The following GABRR3 variants were observed in gnomAD, a reference collection of about 807,000 sequenced individuals.
GABRR3 encodes gamma-aminobutyric acid type A receptor subunit rho3.
GABRR3 carries 29 observed loss-of-function variants against 43.2 expected under a neutral mutation model. The ratio of observed to expected loss-of-function variants is 0.67; its 90% CI spans 0.50 to 0.92. The LOEUF is 0.92. GABRR3 is among the 40% of genes least tolerant of loss of function. The pLI, the probability that GABRR3 is intolerant of heterozygous loss-of-function variation, is 0.00. For synonymous variants in GABRR3, 206 were observed against 195.9 expected, an observed-to-expected ratio of 1.05 and a Z score of -0.43; for missense variants, 576 against 572.3, an observed-to-expected ratio of 1.01 and a Z score of -0.07.
intron 8 of GABRR3, among the ~76,000 whole-genome samples, chr3:97,995,933 G>C (rs1359748252): frequency 6.6e-6 from 1 of 152,190 alleles, no homozygotes; most frequent in Admixed American, 6.5e-5. Flanking sequence ...AGTTAGGAAA[G>C]TGTTATGAGA....
chr3:98,004,532 T>C (rs1013325231), intron 7 of GABRR3, among the ~76,000 whole-genome samples: 2 of 151,916 alleles, frequency 1.3e-5, no homozygotes, highest in Non-Finnish European at 2.9e-5. Flanking sequence ...GGGGCAGGAG[T>C]CATTTCTTTT....
At chr3:98,026,419 C>T (rs112385108) in intron 2 of GABRR3, among the ~76,000 whole-genome samples, 2 of 152,114 alleles carry the variant, frequency 1.3e-5, no homozygotes, top group African/African-American at 4.8e-5. Flanking sequence ...CTCCCTGTGT[C>T]GGTGAGCTTG....
chr3:98,018,632 A>C (rs1040760346), intron 3 of GABRR3, among the ~76,000 whole-genome samples: 2 of 152,170 alleles, frequency 1.3e-5, no homozygotes, highest in African/African-American at 4.8e-5. Context: ...TTTTATGTAC[A>C]TATGTGTTAA....
At chr3:97,991,333 A>G (rs984262410) in intron 9 of GABRR3, among the ~76,000 whole-genome samples, 2 of 152,226 alleles carry the variant, frequency 1.3e-5, no homozygotes, top group Admixed American at 1.3e-4. Flanking sequence ...CCTAGAGCTT[A>G]TTAGAAATTC....
chr3:98,031,969 G>A (rs1027276424), intron 2 of GABRR3, among the ~76,000 whole-genome samples: 4 of 151,960 alleles, frequency 2.6e-5, no homozygotes, highest in African/African-American at 9.7e-5. Context: ...AAAAGCCCCA[G>A]TTTATAGTAG....
chr3:98,035,178 G>T lies in GABRR3; in HGVS notation c.-3+12C>A. On this transcript the variant is annotated intron_variant, in intron 1 of 9. Transcript: ENST00000621172. ...TTAAATTGACTCACAGCACTTACAG[G>T]CAAATATCTACCTGGATCTTCAGCA... 1.7e-6 allele frequency: 1 copy of T among 599,406 alleles called. No individual in the cohort carries two copies. Among genetic ancestry groups the T allele is most frequent in the Non-Finnish European group, 2.8e-6 (1 of 360,778 alleles). 37.1% of individuals were successfully genotyped at this position (599,406 alleles called of 1,614,324 possible). A position where few individuals can be genotyped will look rare whatever the true frequency, so the allele number is the denominator to read the frequency against.
At position 98,001,854 on chromosome 3, in the gene GABRR3, C is replaced by T. The variant is rs1706648479; in HGVS notation, c.755-87G>A. On this transcript the variant is annotated intron_variant, in intron 7 of 9. Coordinates refer to ENST00000621172, the Ensembl canonical transcript of GABRR3. ...TGAAATGACCTGCTTCTTTAGACTC[C>T]AAGCTCTTGGGGACACGGAATTTGA... 5 of 1,441,912 alleles carry T rather than the reference C, an allele frequency of 3.5e-6. No homozygotes were observed. In the East Asian group the frequency reaches 1.1e-4, roughly 33 times the overall value. The allele number at this position is 1,441,912 out of a possible 1,614,324, so 89.3% of individuals were successfully genotyped here. A position where few individuals can be genotyped will look rare whatever the true frequency, so the allele number is the denominator to read the frequency against.
intron 9 of GABRR3, among the ~76,000 whole-genome samples, chr3:97,990,025 C>T (rs1286509565): frequency 6.6e-6 from 1 of 152,190 alleles, no homozygotes; most frequent in African/African-American, 2.4e-5. Flanking sequence ...GACATTTCTT[C>T]TATCCGGCCT....
At chr3:98,028,414 T>C (rs908119403) in intron 2 of GABRR3, among the ~76,000 whole-genome samples, 1 of 152,260 alleles carries the variant, frequency 6.6e-6, no homozygotes, top group Admixed American at 6.5e-5. Flanking sequence ...TCTTCAACAA[T>C]CAGTTTAATT....
chr3:98,008,050 T>A (rs757449907), intron 6 of GABRR3, 146 bp from the exon 7 acceptor site: 15 of 648,510 alleles, frequency 2.3e-5, no homozygotes, highest in Non-Finnish European at 3.8e-5. Flanking sequence ...TGTTTGCCAA[T>A]GGACTGATCA....
chr3:98,008,362 T>C (rs1220182564), intron 6 of GABRR3, among the ~76,000 whole-genome samples: 6 of 152,222 alleles, frequency 3.9e-5, no homozygotes, highest in Admixed American at 3.3e-4. Flanking sequence ...ATGGAAAATT[T>C]CTAATGGAGT....
chr3:98,018,398 A>G (rs1706900051), intron 3 of GABRR3, among the ~76,000 whole-genome samples: 2 of 152,222 alleles, frequency 1.3e-5, no homozygotes, highest in African/African-American at 4.8e-5. Context: ...TTAATGAGAA[A>G]ATACTGAGAG....
intron 7 of GABRR3, among the ~76,000 whole-genome samples, chr3:98,007,145 T>A (rs574107906): frequency 6.6e-6 from 1 of 151,630 alleles, no homozygotes; most frequent in Non-Finnish European, 1.5e-5. Context: ...ATGACCGAGA[T>A]AGGGAACGGT....
chr3:98,012,278 A>G, intron 5 of GABRR3, 66 bp downstream of exon 5: 1 of 1,124,946 alleles, frequency 8.9e-7, no homozygotes, highest in Admixed American at 2.0e-5. Flanking sequence ...TGAAATAAGC[A>G]TCATCAGCTT....
chr3:98,003,498 TA>T lies in GABRR3; in HGVS notation c.755-1732del, dbSNP rs920643980. Among the ~76,000 whole-genome samples the T allele has an allele frequency of 7.6e-4, 114 of 150,120 alleles. 3 individuals are homozygous for T. Among genetic ancestry groups the T allele is most frequent in the Middle Eastern group, 3.4e-3 (1 of 294 alleles). Reference sequence around the variant, plus strand: ...GTGGCTCTGTCTTGTGGTTTTAGACTAGGGGTGGTATTTTAGTTGAACCTGC... The same window carrying T: ...GTGGCTCTGTCTTGTGGTTTTAGACTGGGGTGGTATTTTAGTTGAACCTGC... On this transcript the variant is annotated intron_variant, in intron 7 of 9. Transcript: ENST00000621172.
chr3:97,985,854 T>TAC, downstream of GABRR3, among the ~76,000 whole-genome samples: 1 of 13,140 alleles, frequency 7.6e-5, no homozygotes, highest in South Asian at 5.0e-3. Context: ...TTTATATATA[T>TAC]ATATATTTTT....
chr3:98,029,018 C>T (rs1046924778), intron 2 of GABRR3, among the ~76,000 whole-genome samples: 1 of 151,924 alleles, frequency 6.6e-6, no homozygotes, highest in African/African-American at 2.4e-5. Context: ...CTCCCCTCTC[C>T]CCCATTCTAG....
At chr3:98,024,847 C>T (rs1399616839) in intron 3 of GABRR3, among the ~76,000 whole-genome samples, 5 of 152,220 alleles carry the variant, frequency 3.3e-5, no homozygotes, top group Admixed American at 2.6e-4. Context: ...CTCAGTGATG[C>T]AACTGTGTGT....
chr3:97,991,803 A>T (rs1468828313), intron 9 of GABRR3, among the ~76,000 whole-genome samples: 1 of 152,220 alleles, frequency 6.6e-6, no homozygotes, highest in Non-Finnish European at 1.5e-5. Flanking sequence ...TCTCAGAAGT[A>T]GAAAAAATAT....
Sources: allele counts gnomAD v4.1 joint callset (sites outside exome capture counted in the v4.1 genomes callset), GRCh38; gene constraint gnomAD v4.1.1; transcripts MANE v1.5; gene names NCBI Gene and HGNC (gene_info 2026-07-23, HGNC 2026-07-21).